Variants in KANK1 observed in about 807,000 individuals in gnomAD.
KANK1 encodes KN motif and ankyrin repeat domains 1.
In KANK1, 109 loss-of-function variants were observed where a neutral mutation model predicts 106.2. The ratio of observed to expected loss-of-function variants is 1.03; its 90% CI spans 0.88 to 1.20. KANK1 has a LOEUF of 1.20. KANK1 is among the 50% of genes most tolerant of loss of function. The pLI, the probability that KANK1 is intolerant of heterozygous loss-of-function variation, is 0.00. For synonymous variants in KANK1, 873 were observed against 652.2 expected, an observed-to-expected ratio of 1.34 and a Z score of -5.16; for missense variants, 2,399 against 1,710.7, an observed-to-expected ratio of 1.40 and a Z score of -7.10.
intron 1 of KANK1, among the ~76,000 whole-genome samples, chr9:581,043 GC>G (rs1821988381): frequency 6.6e-6 from 1 of 151,858 alleles, no homozygotes; most frequent in African/African-American, 2.4e-5. Flanking sequence ...CCAGGGGCCG[GC>G]CGCTCCAAGT....
rs138960689 is a variant in KANK1 at position 742,230 on chromosome 9, C to T, written c.3722C>T (p.Ala1241Val). ...SQAGQTALML[A>V]VSHGRIDMVK... ...GCGGGACAGACGGCCCTCATGCTGG[C>T]GGTCAGTCACGGACGGATAGACATG... The change falls in exon 10 of 12, where the codon GCG becomes GTG. Residue 1241 changes from alanine to valine, a missense_variant. Coordinates refer to ENST00000382297, the MANE Select transcript of KANK1 (RefSeq NM_015158.5). 148 of 1,614,030 alleles carry T rather than the reference C, an allele frequency of 9.2e-5. No individual in the cohort carries two copies. The highest frequency in any genetic ancestry group is 8.0e-5 in the African/African-American group (6 of 74,930).
intron 1 of KANK1, among the ~76,000 whole-genome samples, chr9:563,505 T>A (rs555214265): frequency 6.6e-6 from 1 of 152,210 alleles, no homozygotes; most frequent in Non-Finnish European, 1.5e-5. Flanking sequence ...ACTGAAAATA[T>A]AAGGCTATTA....
intron 1 of KANK1, among the ~76,000 whole-genome samples, chr9:676,528 G>C (rs549919298): frequency 6.6e-6 from 1 of 152,292 alleles, no homozygotes; most frequent in African/African-American, 2.4e-5. Flanking sequence ...TTTTGAACCA[G>C]AATTTGGAAA....
intron 2 of KANK1, among the ~76,000 whole-genome samples, 175 bp from the exon 3 acceptor site, chr9:710,629 A>C (rs1055679606): frequency 9.5e-6 from 1 of 105,230 alleles, no homozygotes; most frequent in African/African-American, 4.5e-5. Context: ...AAAAAAAAAA[A>C]CAAAAAAAAA....
intron 1 of KANK1, among the ~76,000 whole-genome samples, chr9:663,576 A>G (rs902374196): frequency 1.3e-5 from 2 of 152,200 alleles, no homozygotes; most frequent in African/African-American, 4.8e-5. Context: ...TCTTTAGACT[A>G]TCTATTGCTG....
At chr9:572,997 C>T (rs1427518913) in intron 1 of KANK1, among the ~76,000 whole-genome samples, 1 of 152,080 alleles carries the variant, frequency 6.6e-6, no homozygotes, top group East Asian at 1.9e-4. Flanking sequence ...ACCAAAAGTT[C>T]TCTTTTCTTC....
rs1816045392 is a variant in KANK1 at position 560,282 on chromosome 9, A to AT, written c.-84+55534dup. On this transcript the variant is annotated intron_variant, in intron 1 of 11. Coordinates refer to ENST00000382297, the MANE Select transcript of KANK1 (RefSeq NM_015158.5). ...CTACATGTTTCATTAAGTTCTTAGG[A>AT]TTTTTTATGGATAAGTTGGAAAAGC... Among the ~76,000 whole-genome samples the AT allele has an allele frequency of 2.6e-5, 4 of 152,314 alleles. No homozygotes were observed. The South Asian group carries it at 8.3e-4, about 32-fold the overall frequency.
intron 1 of KANK1, among the ~76,000 whole-genome samples, chr9:633,038 G>T (rs1379435143): frequency 6.6e-6 from 1 of 152,050 alleles, no homozygotes; most frequent in African/African-American, 2.4e-5. Context: ...AGGTAACATG[G>T]CCCCCTCCCT....
chr9:587,404 T>C (rs1342006024), intron 1 of KANK1, among the ~76,000 whole-genome samples: 2 of 152,108 alleles, frequency 1.3e-5, no homozygotes, highest in Non-Finnish European at 2.9e-5. Context: ...ATAAACACAA[T>C]ATGCACAGAC....
chr9:581,850 C>T (rs1285612461), intron 1 of KANK1, among the ~76,000 whole-genome samples: 1 of 152,122 alleles, frequency 6.6e-6, no homozygotes, highest in Non-Finnish European at 1.5e-5. Flanking sequence ...ATCCAGCCAT[C>T]CTCCTGGGGT....
intron 1 of KANK1, among the ~76,000 whole-genome samples, chr9:608,839 C>G (rs1202813449): frequency 6.6e-6 from 1 of 152,050 alleles, no homozygotes; most frequent in Non-Finnish European, 1.5e-5. Context: ...GTGAACTAAG[C>G]CAATGTTGAG....
chr9:661,263 A>G (rs1843239916), intron 1 of KANK1, among the ~76,000 whole-genome samples: 1 of 148,720 alleles, frequency 6.7e-6, no homozygotes, highest in Non-Finnish European at 1.5e-5. Context: ...TCTTAATGCT[A>G]TCCCTCCTCT....
upstream of KANK1, chr9:504,622 C>G (rs910476029): frequency 1.3e-5 from 2 of 149,168 alleles, no homozygotes; most frequent in Non-Finnish European, 3.0e-5. Context: ...CGGCGGCGGC[C>G]GTGCGGTTCG....
intron 3 of KANK1, among the ~76,000 whole-genome samples, chr9:728,520 G>A (rs1831352536): frequency 6.6e-6 from 1 of 152,182 alleles, no homozygotes; most frequent in South Asian, 2.1e-4. Context: ...TATTGAAATG[G>A]CCCTGCAAGG....
chr9:622,560 A>C (rs1257477078), intron 1 of KANK1, among the ~76,000 whole-genome samples: 3 of 152,180 alleles, frequency 2.0e-5, no homozygotes, highest in Admixed American at 2.0e-4. Flanking sequence ...AAAAAATAAA[A>C]TTGGACCCTT....
At chr9:728,343 A>AC (rs1354397021) in intron 3 of KANK1, among the ~76,000 whole-genome samples, 10 of 151,902 alleles carry the variant, frequency 6.6e-5, no homozygotes, top group African/African-American at 2.4e-4. Context: ...GACTACAGGC[A>AC]CCCCCCACCA....
chr9:574,312 C>T (rs889248222), intron 1 of KANK1, among the ~76,000 whole-genome samples: 6 of 151,894 alleles, frequency 4.0e-5, no homozygotes, highest in Non-Finnish European at 8.8e-5. Flanking sequence ...GAATGAGGCT[C>T]GAGGGAACAT....
chr9:716,635 T>A (rs1046201672), intron 3 of KANK1, among the ~76,000 whole-genome samples: 11 of 152,154 alleles, frequency 7.2e-5, no homozygotes, highest in Non-Finnish European at 1.3e-4. Flanking sequence ...TCTGTTCATT[T>A]CTCCTAGAGT....
rs756502505 is a variant in KANK1, at chr9:711,118, A to G, written c.352A>G (p.Ile118Val). ...CAGAAGTCAAGTTACATCAACTCCA[A>G]TCTCAAAGCCACCTCCCCCTCTGGA... ...IARSQVTSTP[I>V]SKPPPPLETS... Residue 118 changes from isoleucine (I) to valine (V), a missense_variant, in exon 3 of 12, where the codon ATC (isoleucine) becomes GTC (valine). Transcript: ENST00000382297. The G allele has an allele frequency of 5.6e-6, 9 of 1,614,016 alleles. No homozygotes were observed. The highest frequency in any genetic ancestry group is 1.6e-4 in the Middle Eastern group (1 of 6,062).
Sources: gnomAD v4.1 joint callset for allele counts (sites outside exome capture counted in the v4.1 genomes callset) on GRCh38, gnomAD v4.1.1 for gene constraint, MANE v1.5 for transcripts, NCBI Gene and HGNC (gene_info 2026-07-23, HGNC 2026-07-21) for gene names.